The following MDN1 variants were observed in gnomAD, a reference collection of about 807,000 sequenced individuals.
MDN1 encodes the protein midasin AAA ATPase 1.
MDN1 carries 266 observed loss-of-function variants against 669.2 expected under a neutral mutation model. The observed-to-expected ratio is 0.40, with a 90% CI of 0.36 to 0.44. MDN1 has a LOEUF of 0.44. Ranked by LOEUF, MDN1 falls within the 20% of genes least tolerant of loss-of-function variation. The pLI, the probability that MDN1 is intolerant of heterozygous loss-of-function variation, is 1.00. For synonymous variants in MDN1, 2,385 were observed against 2,457.1 expected, an observed-to-expected ratio of 0.97 and a Z score of 0.87; for missense variants, 5,940 against 6,754.0, an observed-to-expected ratio of 0.88 and a Z score of 4.22.
intron 15 of MDN1, among the ~76,000 whole-genome samples, chr6:89,763,144 T>G (rs926845432): frequency 6.6e-6 from 1 of 152,224 alleles, no homozygotes; most frequent in Non-Finnish European, 1.5e-5. Flanking sequence ...TAAATATGTA[T>G]AGGGCATAAT....
At chr6:89,656,610 C>CT (rs35227833) in intron 91 of MDN1, 90 bp downstream of exon 91, 171,712 of 729,792 alleles carry the variant, frequency 0.24, 9,150 homozygotes, top group African/African-American at 0.27. Context: ...AGGAGTATAG[C>CT]TTTTTTTTTT....
At position 89,762,359 on chromosome 6, in the gene MDN1, G is replaced by C; in HGVS notation, c.2316C>G (p.His772Gln). 6.2e-7 allele frequency: 1 copy of C among 1,614,144 alleles called. No homozygotes were observed. The highest frequency in any genetic ancestry group is 8.5e-7 in the Non-Finnish European group (1 of 1,180,014). ...HDLLRLMQHV[H>Q]KSAVNKDGKD... is the part of the protein sequence containing the mutation. Reference sequence around the variant, plus strand: ...TTCCATCCTTGTTAACAGCAGACTTGTGTACATGCTGCATTAGTCTCAGGA... The same window carrying C: ...TTCCATCCTTGTTAACAGCAGACTTCTGTACATGCTGCATTAGTCTCAGGA... The change falls in exon 16 of 102, where the codon CAC becomes CAG. Residue 772 changes from histidine to glutamine, a missense_variant. Transcript: ENST00000369393.
At chr6:89,780,682 G>T (rs2128324427) in intron 10 of MDN1, among the ~76,000 whole-genome samples, 2 of 133,466 alleles carry the variant, frequency 1.5e-5, no homozygotes, top group South Asian at 2.3e-4. Flanking sequence ...GTCTCACTCT[G>T]TTGCCCAGGC....
intron 43 of MDN1, among the ~76,000 whole-genome samples, chr6:89,717,156 T>C (rs567959830): frequency 1.3e-5 from 2 of 152,274 alleles, no homozygotes; most frequent in Admixed American, 1.3e-4. Context: ...CTTCACACAG[T>C]GCAAACTGGG....
intron 24 of MDN1, 43 bp from the exon 25 acceptor site, chr6:89,749,794 C>A (rs778110396): frequency 2.1e-6 from 3 of 1,450,822 alleles, no homozygotes; most frequent in Non-Finnish European, 1.9e-6. Context: ...TAAATCAGTA[C>A]AAAGTTTTAA....
Position 89,772,582 on chromosome 6 carries a change from G to C in MDN1, c.2074C>G (p.His692Asp). Residue 692 changes from histidine (H) to aspartate (D), a missense_variant, in exon 14 of 102, where the codon CAC (histidine) becomes GAC (aspartate). Physicochemically the swap from His to Asp is moderately conservative, Grantham distance 81. This residue lies in a region of MDN1 where 1,203 missense variants were observed against 1,268.9 expected (regional missense o/e 0.95). Transcript: ENST00000369393. ...GKTSTIQYLA[H>D]ITGHRLRVVN... ...TTCCTCTAGGGATTACCTGTAATGT[G>C]AGCCAAGTATTGGATGGTAGAGGTT... The C allele has an allele frequency of 5.0e-6, 8 of 1,613,956 alleles. No individual in the cohort carries two copies. Among genetic ancestry groups the C allele is most frequent in the Non-Finnish European group, 6.8e-6 (8 of 1,179,964 alleles).
intron 2 of MDN1, among the ~76,000 whole-genome samples, chr6:89,801,695 G>T (rs1767675856): frequency 6.6e-6 from 1 of 151,222 alleles, no homozygotes; most frequent in East Asian, 2.0e-4. Context: ...AGTGGAGTGT[G>T]ATGGCGGGAG....
In MDN1 at chr6:89,700,118, T is replaced by C. The variant is rs1239172893; in HGVS notation, c.8815A>G (p.Met2939Val). The C allele has an allele frequency of 1.2e-6, 2 of 1,614,094 alleles. No homozygotes were observed. Among genetic ancestry groups the C allele is most frequent in the African/African-American group, 1.3e-5 (1 of 74,934 alleles). Residue 2939 changes from methionine to valine, a missense_variant, in exon 57 of 102, where the codon ATG becomes GTG. By Grantham distance (21) the Met-to-Val change is conservative. This residue lies in a region of MDN1 where 2,292 missense variants were observed against 2,638.3 expected (regional missense o/e 0.87). Coordinates refer to ENST00000369393, the MANE Select transcript of MDN1 (RefSeq NM_014611.3). ...GCTGTCACTTTGTACCGCCAAAGCA[T>C]AGCCAGGTACTCCATTGCAGGCCAC... is the stretch of plus-strand genomic sequence containing the variant. Reference protein sequence around the residue: ...QLWPAMEYLAMLWRYKVTADF... With the variant: ...QLWPAMEYLAVLWRYKVTADF...
rs1810092448 is a variant in MDN1, at chr6:89,665,090, A to AC, written c.14095-463dup. On this transcript the variant is annotated intron_variant, in intron 84 of 101. Coordinates refer to ENST00000369393, the MANE Select transcript of MDN1 (RefSeq NM_014611.3). ...GTTGCCCAGCCTGGAGTACAGTGGCACAATCATGGCTTACTGCAGCCTCAA... is the reference window on the plus strand; with the variant it reads ...GTTGCCCAGCCTGGAGTACAGTGGCACCAATCATGGCTTACTGCAGCCTCAA... 2.0e-5 allele frequency among the ~76,000 whole-genome samples: 3 copies of AC among 152,124 alleles called. No homozygotes were observed. The South Asian group carries it at 6.2e-4, about 32-fold the overall frequency.
At chr6:89,788,332 G>C (rs539327343) in intron 7 of MDN1, among the ~76,000 whole-genome samples, 1 of 152,202 alleles carries the variant, frequency 6.6e-6, no homozygotes, top group African/African-American at 2.4e-5. Context: ...TCTGAATCAG[G>C]ATAGAATGAT....
At position 89,700,235 on chromosome 6, in the gene MDN1, G is replaced by A. The variant is rs1813056356; in HGVS notation, c.8698C>T (p.Leu2900Phe). 1 of 1,614,080 alleles carries A rather than the reference G, an allele frequency of 6.2e-7. No homozygotes were observed. Among genetic ancestry groups the A allele is most frequent in the Non-Finnish European group, 8.5e-7 (1 of 1,180,048 alleles). Reference sequence around the variant, plus strand: ...TCATGCTTTTTCTCCAGAAAACCAAGTGAGAGTCCTTTGGCTTTCAGTTCT... The same window carrying A: ...TCATGCTTTTTCTCCAGAAAACCAAATGAGAGTCCTTTGGCTTTCAGTTCT... ...CLELKAKGLS[L>F]GFLEKKHDEA... Residue 2900 changes from leucine (L) to phenylalanine (F), a missense_variant, in exon 57 of 102, where the codon CTT becomes TTT. This residue lies in a region of MDN1 where 2,292 missense variants were observed against 2,638.3 expected (regional missense o/e 0.87). Coordinates refer to ENST00000369393, the MANE Select transcript of MDN1 (RefSeq NM_014611.3).
intron 73 of MDN1, among the ~76,000 whole-genome samples, chr6:89,682,699 TAAAAAAAAAA>T (rs143107841): frequency 5.2e-5 from 5 of 96,858 alleles, no homozygotes; most frequent in African/African-American, 7.7e-5. Context: ...GACTCTGTCT[TAAAAAAAAAA>T]AAAAAAAAAA....
At chr6:89,698,407 C>T (rs1348663141) in intron 59 of MDN1, among the ~76,000 whole-genome samples, 1 of 152,166 alleles carries the variant, frequency 6.6e-6, no homozygotes, top group African/African-American at 2.4e-5. Flanking sequence ...TAAATTCAAG[C>T]ACATTGATAC....
intron 12 of MDN1, among the ~76,000 whole-genome samples, chr6:89,775,465 TAG>T (rs1342572830): frequency 2.0e-5 from 3 of 152,176 alleles, no homozygotes; most frequent in Admixed American, 6.5e-5. Flanking sequence ...TAAGATCTTT[TAG>T]AGTCATTATT....
chr6:89,796,382 T>C (rs924207324), intron 2 of MDN1, among the ~76,000 whole-genome samples: 9 of 93,128 alleles, frequency 9.7e-5, no homozygotes, highest in African/African-American at 4.0e-4. Context: ...TTGAACATTA[T>C]AAAGAAATGG....
At position 89,756,521 on chromosome 6, in the gene MDN1, G is replaced by C. The variant is rs1052195586; in HGVS notation, c.2703-131C>G. 7 of 517,080 alleles carry C rather than the reference G, an allele frequency of 1.4e-5. No individual in the cohort carries two copies. The Admixed American group carries it at 1.5e-4, about 11-fold the overall frequency. 32.0% of individuals were successfully genotyped at this position (517,080 alleles called of 1,614,324 possible). On this transcript the variant is annotated intron_variant, in intron 19 of 101. Transcript: ENST00000369393. ...TGTAGTATAAAATGTCTTTCAACCT[G>C]ATATAGAAACTTAGCATAATTAAAG...
chr6:89,667,909 GATTAAAAATT>G (rs1810375187), intron 84 of MDN1, 95 bp downstream of exon 84: 1 of 1,405,904 alleles, frequency 7.1e-7, no homozygotes, highest in Admixed American at 2.0e-5. Context: ...GTAGATCACA[GATTAAAAATT>G]ATTAACCTAG....
intron 83 of MDN1, among the ~76,000 whole-genome samples, chr6:89,670,170 A>ATATATATATTTTTTTT (rs1444537561): frequency 3.8e-4 from 9 of 23,410 alleles, no homozygotes; most frequent in Admixed American, 9.6e-4. Flanking sequence ...ATATATATAT[A>ATATATATATTTTTTTT]TTTTTTTTTT....
intron 40 of MDN1, among the ~76,000 whole-genome samples, chr6:89,721,499 T>G (rs1392063862): frequency 6.6e-6 from 1 of 152,158 alleles, no homozygotes; most frequent in Non-Finnish European, 1.5e-5. Context: ...GACTACCCTG[T>G]GTGGAGCAAG....
Sources: gnomAD v4.1 joint callset for allele counts (sites outside exome capture counted in the v4.1 genomes callset) on GRCh38, gnomAD v4.1.1 for gene constraint, gnomAD v4.1.1 regional missense constraint, MANE v1.5 for transcripts, NCBI Gene and HGNC (gene_info 2026-07-23, HGNC 2026-07-21) for gene names.